GOLM1: variants seen among roughly 807,000 people sequenced by gnomAD.
GOLM1 encodes epididymis luminal protein 46.
A neutral mutation model predicts 50.5 loss-of-function variants in GOLM1; 31 were observed. The ratio of observed to expected loss-of-function variants is 0.61; its 90% CI spans 0.46 to 0.83. The LOEUF is 0.83. Ranked by LOEUF, GOLM1 falls within the 40% of genes least tolerant of loss-of-function variation. The pLI, the probability that GOLM1 is intolerant of heterozygous loss-of-function variation, is 0.00. For missense variants in GOLM1, 491 were observed against 501.3 expected, an observed-to-expected ratio of 0.98 and a Z score of 0.20; for synonymous variants, 178 against 192.8, an observed-to-expected ratio of 0.92 and a Z score of 0.64.
chr9:86,095,143 T>G (rs1835317346), intron 1 of GOLM1, among the ~76,000 whole-genome samples: 1 of 151,986 alleles, frequency 6.6e-6, no homozygotes, highest in Admixed American at 6.5e-5. Flanking sequence ...CAATTTTTCC[T>G]TGAGTCACAA....
chr9:86,027,396 T>C lies in GOLM1; in HGVS notation c.*421A>G. 1.0e-6 allele frequency: 1 copy of C among 994,880 alleles called. No individual in the cohort carries two copies. 61.6% of individuals were successfully genotyped at this position (994,880 alleles called of 1,614,324 possible). On this transcript the variant is annotated 3_prime_UTR_variant, in exon 10 of 10. Transcript: ENST00000388712. The stretch of plus-strand genomic sequence containing the variant: ...ACAGGTAACAGGCTGGCACCAGCAC[T>C]TGGTACAGCACGTGGACAGGACGAC...
At chr9:86,034,104 A>G (rs1443236210) in intron 8 of GOLM1, among the ~76,000 whole-genome samples, 1 of 151,802 alleles carries the variant, frequency 6.6e-6, no homozygotes, top group African/African-American at 2.4e-5. Flanking sequence ...GGCTGGGATT[A>G]CAGGCACGTG....
intron 1 of GOLM1, among the ~76,000 whole-genome samples, chr9:86,094,935 T>C (rs1265673235): frequency 6.6e-6 from 1 of 151,712 alleles, no homozygotes; most frequent in African/African-American, 2.4e-5. Flanking sequence ...AATACAAAAT[T>C]AGCCGGGCGT....
At chr9:86,042,033 C>T (rs1483462042) in intron 5 of GOLM1, among the ~76,000 whole-genome samples, 1 of 152,108 alleles carries the variant, frequency 6.6e-6, no homozygotes, top group Admixed American at 6.5e-5. Context: ...AGGAGAATGG[C>T]GTGAACCCGG....
intron 1 of GOLM1, among the ~76,000 whole-genome samples, chr9:86,090,810 A>C (rs1449422117): frequency 1.3e-5 from 2 of 150,888 alleles, no homozygotes; most frequent in African/African-American, 4.9e-5. Context: ...AAAAAAAAAA[A>C]AAAACTCCTG....
At chr9:86,076,897 A>G (rs1834634244) in intron 3 of GOLM1, among the ~76,000 whole-genome samples, 1 of 152,022 alleles carries the variant, frequency 6.6e-6, no homozygotes. Flanking sequence ...AGATATTTTA[A>G]TTAGCAGGAA....
chr9:86,079,451 G>T, intron 1 of GOLM1, 110 bp from the exon 2 acceptor site: 1 of 824,588 alleles, frequency 1.2e-6, no homozygotes, highest in Non-Finnish European at 1.8e-6. Flanking sequence ...AGAAGCGTGG[G>T]CTGGTAGCTT....
At chr9:86,046,356 G>A in intron 5 of GOLM1, 114 bp downstream of exon 5, 2 of 690,416 alleles carry the variant, frequency 2.9e-6, no homozygotes, top group South Asian at 1.6e-5. Flanking sequence ...CTTTCTCAGA[G>A]TCCCGCACGG....
In GOLM1 at chr9:86,054,733, G is replaced by A. The variant is rs147366256; in HGVS notation, c.310-2142C>T. ...CTACAAACCCAAGCAGGACACCAAC[G>A]TAGTAGGCTGTACCTAATGTTAAAA... On this transcript the variant is annotated intron_variant, in intron 3 of 9. Transcript: ENST00000388712. Among the ~76,000 whole-genome samples the A allele has an allele frequency of 2.0e-4, 31 of 152,236 alleles. No individual in the cohort carries two copies. In the East Asian group the frequency reaches 3.1e-3, roughly 15 times the overall value.
chr9:86,073,059 T>G (rs1051426616), intron 3 of GOLM1, among the ~76,000 whole-genome samples: 1 of 152,346 alleles, frequency 6.6e-6, no homozygotes. Flanking sequence ...ACAATGCCCT[T>G]TAATTTTTAA....
chr9:86,067,621 C>T (rs944162995), intron 3 of GOLM1, among the ~76,000 whole-genome samples: 2 of 152,118 alleles, frequency 1.3e-5, no homozygotes, highest in African/African-American at 4.8e-5. Flanking sequence ...AAGGCAAGGT[C>T]AACAAAAGGG....
chr9:86,081,191 A>G (rs1241568774), intron 1 of GOLM1, among the ~76,000 whole-genome samples: 1 of 138,704 alleles, frequency 7.2e-6, no homozygotes, highest in South Asian at 2.3e-4. Context: ...CCCAGCCTCA[A>G]TGATTTTTTT....
intron 3 of GOLM1, among the ~76,000 whole-genome samples, chr9:86,060,324 G>A (rs551648632): frequency 6.6e-6 from 1 of 152,174 alleles, no homozygotes; most frequent in African/African-American, 2.4e-5. Flanking sequence ...AGCGGGGAGA[G>A]GGAAGGAGAG....
intron 9 of GOLM1, among the ~76,000 whole-genome samples, chr9:86,031,526 A>G (rs1443213481): frequency 7.0e-6 from 1 of 142,640 alleles, no homozygotes; most frequent in Non-Finnish European, 1.5e-5. Flanking sequence ...CAATGTCACA[A>G]TCTCGGCTCA....
chr9:86,092,563 G>A (rs139195581), intron 1 of GOLM1, among the ~76,000 whole-genome samples: 1 of 152,332 alleles, frequency 6.6e-6, no homozygotes, highest in Non-Finnish European at 1.5e-5. Flanking sequence ...GTGCTTGGCT[G>A]GCCAGGAAGG....
chr9:86,089,899 A>G (rs1835119406), intron 1 of GOLM1, among the ~76,000 whole-genome samples: 1 of 152,096 alleles, frequency 6.6e-6, no homozygotes, highest in South Asian at 2.1e-4. Flanking sequence ...GGATGTATCT[A>G]CCTTTGGTCT....
intron 3 of GOLM1, among the ~76,000 whole-genome samples, chr9:86,053,802 A>G (rs1387965011): frequency 7.8e-6 from 1 of 128,304 alleles, no homozygotes; most frequent in Non-Finnish European, 1.7e-5. Flanking sequence ...TCCACACAAC[A>G]CCATACACCA....
chr9:86,057,680 T>C (rs1287474726), intron 3 of GOLM1, among the ~76,000 whole-genome samples: 1 of 152,192 alleles, frequency 6.6e-6, no homozygotes, highest in Non-Finnish European at 1.5e-5. Context: ...AGCGGAGCCA[T>C]AGGCATGCTG....
At chr9:86,092,709 C>T (rs1234424466) in intron 1 of GOLM1, among the ~76,000 whole-genome samples, 1 of 152,226 alleles carries the variant, frequency 6.6e-6, no homozygotes, top group Non-Finnish European at 1.5e-5. Context: ...TCCTCACAGG[C>T]TTCCAGGACT....
Sources: allele counts gnomAD v4.1 joint callset (sites outside exome capture counted in the v4.1 genomes callset), GRCh38; gene constraint gnomAD v4.1.1; transcripts MANE v1.5; gene names NCBI Gene and HGNC (gene_info 2026-07-23, HGNC 2026-07-21).